Variants in UGT2A1 observed in about 807,000 individuals in gnomAD.
UGT2A1 encodes the protein UDP glucuronosyltransferase family 2 member A1 complex locus, also known as UDP-glucuronosyltransferase 2A1.
Under a neutral mutation model 45.4 loss-of-function variants are expected in UGT2A1, and 61 were observed. The observed-to-expected ratio is 1.34, with a 90% CI of 1.09 to 1.66. The LOEUF is 1.66. Among genes scored for constraint, UGT2A1 ranks in the 40% most tolerant of loss-of-function variants. UGT2A1 has a pLI of 0.00. For missense variants in UGT2A1, 649 were observed against 574.3 expected (o/e 1.13, Z -1.33); for synonymous variants, 229 against 196.2 (o/e 1.17, Z -1.40).
chr4:69,640,859 G>A (rs1027206972), intron 2 of UGT2A1, among the ~76,000 whole-genome samples: 1 of 151,674 alleles, frequency 6.6e-6, no homozygotes, highest in African/African-American at 2.4e-5. Context: ...TTTGAAACAA[G>A]GCAGCCAGAG....
At chr4:69,632,803 G>C (rs1308227033) in intron 3 of UGT2A1, among the ~76,000 whole-genome samples, 1 of 151,324 alleles carries the variant, frequency 6.6e-6, no homozygotes, top group East Asian at 1.9e-4. Flanking sequence ...CAGGAAAATC[G>C]CTTGAACCCA....
At chr4:69,617,126 G>T (rs959869512) in intron 3 of UGT2A1, among the ~76,000 whole-genome samples, 4 of 151,834 alleles carry the variant, frequency 2.6e-5, no homozygotes, top group African/African-American at 9.7e-5. Flanking sequence ...ACTATTGTTA[G>T]TATTCAACAA....
chr4:69,600,713 G>T (rs985529418), intron 3 of UGT2A1, among the ~76,000 whole-genome samples: 2 of 152,032 alleles, frequency 1.3e-5, no homozygotes, highest in African/African-American at 4.8e-5. Flanking sequence ...GCCTCAGGAA[G>T]CATCTAATCA....
intron 3 of UGT2A1, among the ~76,000 whole-genome samples, chr4:69,617,153 G>A (rs968219511): frequency 1.3e-5 from 2 of 151,848 alleles, no homozygotes; most frequent in Non-Finnish European, 2.9e-5. Flanking sequence ...ATGTGTAAAA[G>A]CACTTTCAAA....
At chr4:69,618,207 G>GTT (rs1260210138) in intron 3 of UGT2A1, among the ~76,000 whole-genome samples, 2 of 72,806 alleles carry the variant, frequency 2.7e-5, no homozygotes, top group African/African-American at 7.9e-5. Context: ...GTGTGTGTGT[G>GTT]TGTGTGTGTA....
intron 2 of UGT2A1, chr4:69,639,706 A>C: frequency 6.9e-7 from 1 of 1,439,650 alleles, no homozygotes; most frequent in Non-Finnish European, 9.2e-7. Flanking sequence ...TTTTTAAATA[A>C]AGTAATATTT....
chr4:69,589,371 C>T lies in UGT2A1; in HGVS notation c.*1G>A, dbSNP rs1411320571. The T allele has an allele frequency of 6.2e-7, 1 of 1,608,330 alleles. No individual in the cohort carries two copies. The highest frequency in any genetic ancestry group is 8.5e-7 in the Non-Finnish European group (1 of 1,177,272). On this transcript the variant is annotated 3_prime_UTR_variant, in exon 7 of 7. Transcript: ENST00000286604. The stretch of plus-strand genomic sequence containing the variant: ...TATATATATTTCCTCTTTTTCTTGA[C>T]CTATTCTCTTTTTTTCTTCTTTCCT...
chr4:69,648,822 A>G (rs1367303314), intron 1 of UGT2A1, among the ~76,000 whole-genome samples: 3 of 152,030 alleles, frequency 2.0e-5, no homozygotes, highest in African/African-American at 7.2e-5. Flanking sequence ...CTATAAAAAT[A>G]AGAATAAATA....
At position 69,599,348 on chromosome 4, in the gene UGT2A1, C is replaced by T. The variant is rs759944002; in HGVS notation, c.894G>A (p.Trp298Ter). 4 of 1,613,748 alleles carry T rather than the reference C, an allele frequency of 2.5e-6. No homozygotes were observed. Among genetic ancestry groups the T allele is most frequent in the Non-Finnish European group, 3.4e-6 (4 of 1,179,892 alleles). Reference protein sequence around the residue: ...LCETMGKAEIWLIRTYWDFEF... With the variant: ...LCETMGKAEI The stretch of plus-strand genomic sequence containing the variant: ...CAAAATCCCAATATGTTCGGATTAA[C>T]CAAATTTCAGCTTTCCCCATAGTCT... Residue 298 changes from tryptophan (W) to a stop codon, truncating the protein, a stop_gained, in exon 4 of 7, where the codon TGG becomes TGA. Transcript: ENST00000286604. LOFTEE classifies it high-confidence loss of function.
At chr4:69,634,698 T>C (rs1429350831) in intron 3 of UGT2A1, among the ~76,000 whole-genome samples, 3 of 152,098 alleles carry the variant, frequency 2.0e-5, no homozygotes, top group Non-Finnish European at 4.4e-5. Flanking sequence ...CAGAAAAACA[T>C]TTGATAAAAT....
Position 69,639,128 on chromosome 4 carries a change from T to C in UGT2A1, c.716-3306A>G, listed in dbSNP as rs749673293. On this transcript the variant is annotated intron_variant, in intron 2 of 6. Transcript: ENST00000286604. ...ATGTGTACATAAATGGAATTCCTAA[T>C]TTCAGAGCAACAAGATCACCACAGA... is the stretch of plus-strand genomic sequence containing the variant. The C allele has an allele frequency of 3.1e-6, 5 of 1,613,614 alleles. No individual in the cohort carries two copies. The Admixed American group carries it at 8.3e-5, about 27-fold the overall frequency.
At position 69,647,694 on chromosome 4, in the gene UGT2A1, C is replaced by CTCTGCTTT; in HGVS notation, c.-54-4_-51dup. On this transcript the variant is annotated 5_prime_UTR_variant, in exon 2 of 7. Transcript: ENST00000286604. ...GATGAGATGTGAAGCAAATGTTTTT[C>CTCTGCTTT]TCTGCTTTTAAAGAAAAAAAGGAAA... 1 of 1,296,770 alleles carries CTCTGCTTT rather than the reference C, an allele frequency of 7.7e-7. No homozygotes were observed. Among genetic ancestry groups the CTCTGCTTT allele is most frequent in the Non-Finnish European group, 1.0e-6 (1 of 962,618 alleles). The allele number at this position is 1,296,770 out of a possible 1,614,324, so 80.3% of individuals were successfully genotyped here. A position where few individuals can be genotyped will look rare whatever the true frequency, so the allele number is the denominator to read the frequency against.
chr4:69,600,275 C>A (rs746387602), intron 3 of UGT2A1, among the ~76,000 whole-genome samples: 12 of 152,128 alleles, frequency 7.9e-5, no homozygotes, highest in Non-Finnish European at 1.6e-4. Flanking sequence ...TGAGAAAGAG[C>A]AGCATCTGGA....
At chr4:69,606,213 AG>A (rs1719602858) in intron 3 of UGT2A1, among the ~76,000 whole-genome samples, 2 of 136,302 alleles carry the variant, frequency 1.5e-5, no homozygotes, top group African/African-American at 3.0e-5. Flanking sequence ...CACATCAAAA[AG>A]CTTACCCACC....
chr4:69,590,849 T>TACACTAATGTTTTATGAC (rs1718556587), intron 6 of UGT2A1, among the ~76,000 whole-genome samples: 1 of 152,230 alleles, frequency 6.6e-6, no homozygotes, highest in African/African-American at 2.4e-5. Flanking sequence ...TGTTTTATTA[T>TACACTAATGTTTTATGAC]ACACTAATGT....
chr4:69,611,700 A>T (rs1193031652), intron 3 of UGT2A1, among the ~76,000 whole-genome samples: 1 of 152,158 alleles, frequency 6.6e-6, no homozygotes, highest in African/African-American at 2.4e-5. Context: ...TTTACAAATC[A>T]CTTTTGAGTA....
chr4:69,599,464 C>T, intron 3 of UGT2A1, 70 bp from the exon 4 acceptor site: 4 of 1,577,014 alleles, frequency 2.5e-6, no homozygotes, highest in Non-Finnish European at 3.4e-6. Context: ...AAAAAAGCTA[C>T]CAGTAATTTC....
In UGT2A1 at chr4:69,601,890, T is replaced by G. The variant is rs1719319373; in HGVS notation, c.848-2496A>C. On this transcript the variant is annotated intron_variant, in intron 3 of 6. Transcript: ENST00000286604. ...TAGTAGTCTGGCCCTCAGAGACTCT[T>G]ACTCTTGGGCAAAGGAGGGCTGTAC... Among the ~76,000 whole-genome samples, 2 of 136,590 alleles carry G rather than the reference T, an allele frequency of 1.5e-5. 1 individual carries two copies. Among genetic ancestry groups the G allele is most frequent in the Admixed American group, 1.4e-4 (2 of 13,838 alleles). 89.6% of individuals were successfully genotyped at this position (136,590 alleles called of 152,430 possible).
At chr4:69,596,455 G>T in intron 4 of UGT2A1, 1 of 1,401,630 alleles carries the variant, frequency 7.1e-7, no homozygotes, top group Non-Finnish European at 9.4e-7. Flanking sequence ...ACACATTTAA[G>T]TAGGTAAAAT....
Sources: allele counts gnomAD v4.1 joint callset (sites outside exome capture counted in the v4.1 genomes callset), GRCh38; gene constraint gnomAD v4.1.1; transcripts MANE v1.5; gene names NCBI Gene and HGNC (gene_info 2026-07-23, HGNC 2026-07-21).